CFAP299: variants seen among roughly 807,000 people sequenced by gnomAD.
CFAP299 encodes cilia- and flagella-associated protein 299.
Under a neutral mutation model 27.0 loss-of-function variants are expected in CFAP299, and 21 were observed. The ratio of observed to expected loss-of-function variants is 0.78; its 90% CI spans 0.55 to 1.12. The LOEUF is 1.12. Among genes scored for constraint, CFAP299 ranks in the 50% most tolerant of loss-of-function variants. The probability of loss-of-function intolerance (pLI) is 0.00; values close to 1 mark genes in which losing one functional copy is unlikely to be tolerated. For missense variants in CFAP299, 310 were observed against 276.6 expected (o/e 1.12, Z -0.86); for synonymous variants, 104 against 98.1 (o/e 1.06, Z -0.36).
intron 3 of CFAP299, among the ~76,000 whole-genome samples, chr4:80,600,502 T>A (rs1427422894): frequency 6.6e-6 from 1 of 152,138 alleles, no homozygotes; most frequent in Non-Finnish European, 1.5e-5. Context: ...ACAAATATAA[T>A]ACAGATTGGA....
chr4:80,582,972 A>G (rs1264653882), intron 2 of CFAP299, 121 bp from the exon 3 acceptor site: 3 of 522,726 alleles, frequency 5.7e-6, no homozygotes, highest in Non-Finnish European at 6.8e-6. Context: ...TCATGATTTT[A>G]TTTATATGGT....
At chr4:80,806,614 A>G (rs1728878581) in intron 3 of CFAP299, among the ~76,000 whole-genome samples, 1 of 152,214 alleles carries the variant, frequency 6.6e-6, no homozygotes, top group Non-Finnish European at 1.5e-5. Flanking sequence ...ATTTCAAGGA[A>G]AAGACAATTC....
At chr4:80,569,104 T>C (rs963170691) in intron 2 of CFAP299, among the ~76,000 whole-genome samples, 1 of 152,076 alleles carries the variant, frequency 6.6e-6, no homozygotes, top group Non-Finnish European at 1.5e-5. Context: ...AGCTTCCTAC[T>C]CCGTCATTGT....
At chr4:80,446,617 C>A (rs1728626219) in intron 2 of CFAP299, among the ~76,000 whole-genome samples, 1 of 152,054 alleles carries the variant, frequency 6.6e-6, no homozygotes, top group African/African-American at 2.4e-5. Flanking sequence ...GTTCTAGATC[C>A]AGAAATACAG....
At chr4:80,356,188 A>G (rs559325418) in intron 1 of CFAP299, among the ~76,000 whole-genome samples, 148 of 151,482 alleles carry the variant, frequency 9.8e-4, no homozygotes, top group African/African-American at 3.4e-3. Context: ...ATTCTGTTCC[A>G]TTGGTCTATG....
At chr4:80,535,177 C>T (rs1186720379) in intron 2 of CFAP299, among the ~76,000 whole-genome samples, 2 of 152,104 alleles carry the variant, frequency 1.3e-5, no homozygotes, top group Non-Finnish European at 2.9e-5. Context: ...AACTAGTTCC[C>T]GCTTCTCAGA....
At chr4:80,494,362 C>A (rs1159959234) in intron 2 of CFAP299, among the ~76,000 whole-genome samples, 1 of 152,218 alleles carries the variant, frequency 6.6e-6, no homozygotes, top group Non-Finnish European at 1.5e-5. Context: ...ATTTTTAGCT[C>A]TCCTAGATTA....
intron 3 of CFAP299, among the ~76,000 whole-genome samples, chr4:80,724,342 A>G (rs1283663881): frequency 6.6e-6 from 1 of 152,168 alleles, no homozygotes; most frequent in Non-Finnish European, 1.5e-5. Context: ...TACAAAATTC[A>G]GTGTTTATTA....
intron 3 of CFAP299, among the ~76,000 whole-genome samples, chr4:80,831,186 G>T (rs1730280988): frequency 6.6e-6 from 1 of 152,010 alleles, no homozygotes; most frequent in South Asian, 2.1e-4. Context: ...AATTAAAATA[G>T]TTTTCAAACA....
chr4:80,785,199 T>A (rs1727173736), intron 3 of CFAP299, among the ~76,000 whole-genome samples: 1 of 151,940 alleles, frequency 6.6e-6, no homozygotes, highest in Non-Finnish European at 1.5e-5. Context: ...ATTTTATCCA[T>A]CTGAGTTTAT....
At chr4:80,926,367 T>C (rs1251137906) in intron 4 of CFAP299, among the ~76,000 whole-genome samples, 2 of 151,906 alleles carry the variant, frequency 1.3e-5, no homozygotes, top group African/African-American at 4.8e-5. Flanking sequence ...TGTTTTGAGA[T>C]AATTGTGATT....
At chr4:80,514,240 T>A (rs1268209321) in intron 2 of CFAP299, among the ~76,000 whole-genome samples, 3 of 152,070 alleles carry the variant, frequency 2.0e-5, no homozygotes, top group Non-Finnish European at 4.4e-5. Flanking sequence ...AATGAACTTT[T>A]CAGATGGTAA....
intron 2 of CFAP299, among the ~76,000 whole-genome samples, chr4:80,539,962 G>A (rs185945659): frequency 6.6e-6 from 1 of 152,296 alleles, no homozygotes; most frequent in East Asian, 1.9e-4. Context: ...TAGCTCCTGG[G>A]GCCAGCAGGA....
At chr4:80,957,273 C>T (rs1410891089) in intron 5 of CFAP299, among the ~76,000 whole-genome samples, 1 of 152,182 alleles carries the variant, frequency 6.6e-6, no homozygotes, top group Admixed American at 6.5e-5. Context: ...AATCTTTTCA[C>T]AGCTCCTTAC....
intron 2 of CFAP299, among the ~76,000 whole-genome samples, chr4:80,573,749 A>AT (rs1297359299): frequency 6.6e-6 from 1 of 152,048 alleles, no homozygotes; most frequent in Non-Finnish European, 1.5e-5. Context: ...TTGCACCTTT[A>AT]TAAAAAATGA....
chr4:80,657,870 G>A (rs967816080), intron 3 of CFAP299, among the ~76,000 whole-genome samples: 3 of 152,068 alleles, frequency 2.0e-5, no homozygotes, highest in Non-Finnish European at 4.4e-5. Flanking sequence ...AGCATAGAAC[G>A]TTTTCCATTG....
chr4:80,772,273 T>A (rs1726262515), intron 3 of CFAP299, among the ~76,000 whole-genome samples: 1 of 152,128 alleles, frequency 6.6e-6, no homozygotes. Flanking sequence ...TGGAGAAAAT[T>A]GACAAAAATA....
At chr4:80,842,406 G>A (rs1367997405) in intron 3 of CFAP299, among the ~76,000 whole-genome samples, 2 of 152,106 alleles carry the variant, frequency 1.3e-5, no homozygotes, top group East Asian at 1.9e-4. Flanking sequence ...TAGAAATTCA[G>A]CACAGTTGGC....
chr4:80,492,986 A>T (rs1560592368), intron 2 of CFAP299, among the ~76,000 whole-genome samples: 1 of 152,146 alleles, frequency 6.6e-6, no homozygotes, highest in Non-Finnish European at 1.5e-5. Flanking sequence ...GTACACAGTC[A>T]GGTGAGTTAT....
Sources: allele counts gnomAD v4.1 joint callset (sites outside exome capture counted in the v4.1 genomes callset), GRCh38; gene constraint gnomAD v4.1.1; transcripts MANE v1.5; gene names NCBI Gene and HGNC (gene_info 2026-07-23, HGNC 2026-07-21).